LPCAT3: variants seen among roughly 807,000 people sequenced by gnomAD.
LPCAT3 encodes the protein lysophospholipid acyltransferase 5.
LPCAT3 carries 21 observed loss-of-function variants against 63.4 expected under a neutral mutation model. That is an observed-to-expected ratio of 0.33 (90% CI 0.23 to 0.48). The LOEUF (loss-of-function observed/expected upper bound fraction) is 0.48. Among genes scored for constraint, LPCAT3 ranks in the 20% least tolerant of loss-of-function variants. LPCAT3 has a pLI of 0.99. For synonymous variants in LPCAT3, 242 were observed against 227.5 expected (o/e 1.06, Z -0.58); for missense variants, 451 against 590.6 (o/e 0.76, Z 2.45).
intron 1 of LPCAT3, among the ~76,000 whole-genome samples, chr12:7,005,051 T>C (rs1321150461): frequency 1.3e-5 from 2 of 152,234 alleles, no homozygotes; most frequent in Non-Finnish European, 2.9e-5. Context: ...TGCTATCTAA[T>C]GCCAGAACAT....
chr12:6,988,506 G>A (rs1946551265), intron 1 of LPCAT3: 1 of 152,198 alleles, frequency 6.6e-6, no homozygotes, highest in South Asian at 2.1e-4. Context: ...TTTAGGGAGG[G>A]TGTGACCCTA....
At chr12:6,994,112 C>T (rs935281968) in intron 1 of LPCAT3, among the ~76,000 whole-genome samples, 1 of 152,232 alleles carries the variant, frequency 6.6e-6, no homozygotes, top group Non-Finnish European at 1.5e-5. Context: ...GCTGCAATTA[C>T]AGGTATGAGC....
At chr12:6,996,629 A>G (rs1243381253) in intron 1 of LPCAT3, among the ~76,000 whole-genome samples, 1 of 152,202 alleles carries the variant, frequency 6.6e-6, no homozygotes, top group Non-Finnish European at 1.5e-5. Context: ...AGTCAATACA[A>G]TATTTATTAA....
chr12:6,982,086 A>C lies in LPCAT3; in HGVS notation c.367-182T>G, dbSNP rs371866399. On this transcript the variant is annotated intron_variant, in intron 3 of 12. Transcript: ENST00000261407. ...AGAGCGTTGCTCAAGGCTTCTTGGCAAAATGAGGGCTAAACTGAGATGAGA... is the reference window on the plus strand; with the variant it reads ...AGAGCGTTGCTCAAGGCTTCTTGGCCAAATGAGGGCTAAACTGAGATGAGA... 4.0e-4 allele frequency among the ~76,000 whole-genome samples: 61 copies of C among 152,260 alleles called. No homozygotes were observed. The East Asian group carries it at 9.9e-3, about 25-fold the overall frequency.
intron 1 of LPCAT3, among the ~76,000 whole-genome samples, chr12:7,010,452 T>C (rs1215339249): frequency 1.3e-5 from 2 of 152,232 alleles, no homozygotes; most frequent in African/African-American, 2.4e-5. Flanking sequence ...GCCTCACTCC[T>C]GTTGCCCAGG....
intron 5 of LPCAT3, 48 bp from the exon 6 acceptor site, chr12:6,981,230 C>A: frequency 1.4e-6 from 2 of 1,480,036 alleles, no homozygotes; most frequent in South Asian, 2.6e-5. Flanking sequence ...TGAATCTCCC[C>A]ACAAGAGCCA....
chr12:6,981,661 G>A (rs1946472447), intron 4 of LPCAT3, 29 bp from the exon 5 acceptor site: 2 of 1,612,342 alleles, frequency 1.2e-6, no homozygotes, highest in Non-Finnish European at 1.7e-6. Flanking sequence ...GATGGGTAGG[G>A]TGGTGGGAGA....
At chr12:6,993,374 C>T (rs113288170) in intron 1 of LPCAT3, among the ~76,000 whole-genome samples, 2,962 of 151,346 alleles carry the variant, frequency 0.02, 104 homozygotes, top group African/African-American at 0.069. Context: ...GCAGAGATTG[C>T]AGTGAGCTGA....
chr12:7,011,172 C>CTA (rs1195158731), intron 1 of LPCAT3, among the ~76,000 whole-genome samples: 5 of 152,066 alleles, frequency 3.3e-5, no homozygotes, highest in Admixed American at 6.6e-5. Flanking sequence ...GCAGCAGGGA[C>CTA]TACAGACATA....
intron 1 of LPCAT3, among the ~76,000 whole-genome samples, chr12:7,004,986 A>G (rs1946716475): frequency 6.6e-6 from 1 of 152,082 alleles, no homozygotes; most frequent in Admixed American, 6.6e-5. Context: ...GGATTTTAGT[A>G]TATTCAGTGT....
At chr12:6,980,411 GTGAT>G (rs1425300509) in intron 6 of LPCAT3, among the ~76,000 whole-genome samples, 79 of 152,196 alleles carry the variant, frequency 5.2e-4, no homozygotes, top group African/African-American at 1.9e-3. Flanking sequence ...GTGCAGTGGT[GTGAT>G]CAAAGCTCAC....
At position 7,005,030 on chromosome 12, in the gene LPCAT3, A is replaced by G. The variant is rs782340696; in HGVS notation, c.151+13244T>C. ...CATCTCCACTATCTAATGCCAGAAC[A>G]TTTTCATCTCTGCTATCTAATGCCA... On this transcript the variant is annotated intron_variant, in intron 1 of 12. Coordinates refer to ENST00000261407, the MANE Select transcript of LPCAT3 (RefSeq NM_005768.6). Among the ~76,000 whole-genome samples, 3 of 152,216 alleles carry G rather than the reference A, an allele frequency of 2.0e-5. No individual in the cohort carries two copies. The East Asian group carries it at 5.8e-4, about 29-fold the overall frequency.
intron 1 of LPCAT3, among the ~76,000 whole-genome samples, chr12:7,014,892 C>CAAAAAAAAAA (rs375839002): frequency 0.053 from 3,015 of 57,332 alleles, 90 homozygotes; most frequent in Non-Finnish European, 0.089. Context: ...GACTCCGTCT[C>CAAAAAAAAAA]AAAAAAAAAA....
intron 1 of LPCAT3, chr12:6,997,153 C>T (rs1946643605): frequency 6.6e-6 from 1 of 152,150 alleles, no homozygotes; most frequent in Non-Finnish European, 1.5e-5. Flanking sequence ...TGTATATCCT[C>T]CTTTCACATT....
intron 1 of LPCAT3, among the ~76,000 whole-genome samples, chr12:6,996,800 A>G (rs1555156067): frequency 2.0e-5 from 3 of 152,226 alleles, no homozygotes; most frequent in African/African-American, 4.8e-5. Flanking sequence ...AGAGAAATCA[A>G]TCTCGACCAC....
At chr12:6,995,093 A>G (rs1427550004) in intron 1 of LPCAT3, among the ~76,000 whole-genome samples, 1 of 149,406 alleles carries the variant, frequency 6.7e-6, no homozygotes, top group Non-Finnish European at 1.5e-5. Context: ...TAAGGCATAA[A>G]TTTCTCCCTA....
At chr12:6,981,677 C>CT (rs1565598207) in intron 4 of LPCAT3, 45 bp from the exon 5 acceptor site, 1 of 1,456,618 alleles carries the variant, frequency 6.9e-7, no homozygotes, top group Admixed American at 1.9e-5. Flanking sequence ...GGAGAGGACA[C>CT]TGAGGATGTG....
intron 1 of LPCAT3, among the ~76,000 whole-genome samples, chr12:6,998,431 C>T (rs1040324480): frequency 6.6e-6 from 1 of 152,184 alleles, no homozygotes; most frequent in Non-Finnish European, 1.5e-5. Context: ...TACAACACAC[C>T]TGGCCTGTCC....
At chr12:7,015,209 A>C (rs782156075) in intron 1 of LPCAT3, among the ~76,000 whole-genome samples, 2 of 152,374 alleles carry the variant, frequency 1.3e-5, no homozygotes, top group South Asian at 4.1e-4. Flanking sequence ...TAATTAGACT[A>C]TCTGATTAAA....
Sources: allele counts gnomAD v4.1 joint callset (sites outside exome capture counted in the v4.1 genomes callset), GRCh38; gene constraint gnomAD v4.1.1; transcripts MANE v1.5; gene names NCBI Gene and HGNC (gene_info 2026-07-23, HGNC 2026-07-21).